The following ERV3-1 variants were observed in gnomAD, a reference collection of about 807,000 sequenced individuals.
ERV3-1 encodes the protein endogenous retrovirus group 3 member 1 Env polyprotein.
ERV3-1 carries 36 observed loss-of-function variants against 24.6 expected under a neutral mutation model. That is an observed-to-expected ratio of 1.47 (90% CI 1.12 to 1.94). The LOEUF is 1.94. ERV3-1 is among the 30% of genes most tolerant of loss of function. The pLI is 0.00. For missense variants in ERV3-1, 578 were observed against 330.9 expected (o/e 1.75, Z -5.79); for synonymous variants, 211 against 122.6 (o/e 1.72, Z -4.76).
intron 1 of ERV3-1, among the ~76,000 whole-genome samples, chr7:64,998,946 T>C (rs1239743307): frequency 6.6e-6 from 1 of 152,168 alleles, no homozygotes. Context: ...CAGTTTCCTT[T>C]CTTAACCAAC....
chr7:64,994,286 GCT>G (rs1786354316), intron 1 of ERV3-1, among the ~76,000 whole-genome samples: 1 of 152,188 alleles, frequency 6.6e-6, no homozygotes, highest in Non-Finnish European at 1.5e-5. Context: ...CGTTTCTAGT[GCT>G]GTTTTTCCCA....
intron 1 of ERV3-1, among the ~76,000 whole-genome samples, chr7:65,001,541 G>C (rs1786524481): frequency 6.6e-6 from 1 of 152,314 alleles, no homozygotes. Flanking sequence ...TGGAAATCCT[G>C]AGGTGGCAGT....
rs763990854 is a variant in ERV3-1 at position 64,992,908 on chromosome 7, A to G, written c.119T>C (p.Ile40Thr). 3.9e-6 allele frequency: 3 copies of G among 766,410 alleles called. No homozygotes were observed. Among genetic ancestry groups the G allele is most frequent in the Non-Finnish European group, 7.2e-6 (3 of 417,900 alleles). The allele number at this position is 766,410 out of a possible 1,614,324, so 47.5% of individuals were successfully genotyped here. ...GTGATACAACAGGGTTTTAGTCATGATGTTCCCCGACCACGTAGTGTGGGT... is the reference window on the plus strand; with the variant it reads ...GTGATACAACAGGGTTTTAGTCATGGTGTTCCCCGACCACGTAGTGTGGGT... The part of the protein sequence containing the change: ...HCTHTTWSGN[I>T]MTKTLLYHTY... Residue 40 changes from isoleucine to threonine, a missense_variant, in exon 2 of 2, where the codon ATC (isoleucine) becomes ACC (threonine). Physicochemically the swap from Ile to Thr is moderately conservative, Grantham distance 89. Transcript: ENST00000394323.
intron 1 of ERV3-1, among the ~76,000 whole-genome samples, chr7:64,997,761 G>A (rs941978764): frequency 1.1e-4 from 17 of 152,206 alleles, no homozygotes; most frequent in Non-Finnish European, 2.2e-4. Context: ...ATCTGGCCAC[G>A]TTGGATTTTG....
At chr7:65,000,869 A>T (rs1786506060) in intron 1 of ERV3-1, among the ~76,000 whole-genome samples, 1 of 152,224 alleles carries the variant, frequency 6.6e-6, no homozygotes, top group Non-Finnish European at 1.5e-5. Flanking sequence ...GCCATAAAAA[A>T]GAAGATTGTG....
In ERV3-1 at chr7:64,991,854, T is replaced by G. The variant is rs1445097697; in HGVS notation, c.1173A>C (p.Pro391=). The G allele has an allele frequency of 2.6e-6, 2 of 766,168 alleles. No homozygotes were observed. Among genetic ancestry groups the G allele is most frequent in the Non-Finnish European group, 4.8e-6 (2 of 417,894 alleles). The allele number at this position is 766,168 out of a possible 1,614,324, so 47.5% of individuals were successfully genotyped here. Residue 391 remains proline (P), a synonymous_variant, in exon 2 of 2, where the codon CCA becomes CCC. Coordinates refer to ENST00000394323, the MANE Select transcript of ERV3-1 (RefSeq NM_001007253.4). ...SNNSESPHPS[P]FSRFPSLNHS... Reference sequence around the variant, plus strand: ...GGTTTAAAGATGGGAAACGAGAGAATGGGCTTGGGTGTGGTGATTCAGAAT... The same window carrying G: ...GGTTTAAAGATGGGAAACGAGAGAAGGGGCTTGGGTGTGGTGATTCAGAAT...
chr7:65,004,955 T>G (rs548314548), intron 1 of ERV3-1: 1 of 152,130 alleles, frequency 6.6e-6, no homozygotes, highest in South Asian at 2.1e-4. Context: ...TAATTATTTG[T>G]TTTTCCCTCA....
chr7:64,996,258 A>G (rs1181892644), intron 1 of ERV3-1, among the ~76,000 whole-genome samples: 1 of 152,118 alleles, frequency 6.6e-6, no homozygotes, highest in Non-Finnish European at 1.5e-5. Flanking sequence ...TTGGATTATG[A>G]TCCCATGGTC....
chr7:64,998,795 C>T (rs1786457854), intron 1 of ERV3-1, among the ~76,000 whole-genome samples: 2 of 152,136 alleles, frequency 1.3e-5, no homozygotes, highest in South Asian at 2.1e-4. Flanking sequence ...AGGATGTTTG[C>T]CACTAGTCTC....
chr7:64,992,797 T>C lies in ERV3-1; in HGVS notation c.230A>G (p.Gln77Arg), dbSNP rs1291762876. 2 of 766,342 alleles carry C rather than the reference T, an allele frequency of 2.6e-6. No homozygotes were observed. Among genetic ancestry groups the C allele is most frequent in the Non-Finnish European group, 2.4e-6 (1 of 417,922 alleles). 47.5% of individuals were successfully genotyped at this position (766,342 alleles called of 1,614,324 possible). Residue 77 changes from glutamine (Q) to arginine (R), a missense_variant, in exon 2 of 2, where the codon CAG becomes CGG. Transcript: ENST00000394323. ...CTTAGGGTCATAACACACATAAGGC[T>C]GGCCCCTTCCTGGGTCACAGACTGA... The part of the protein sequence containing the change: ...TYSVCDPGRG[Q>R]PYVCYDPKSS...
chr7:64,993,898 G>A (rs1373787738), intron 1 of ERV3-1, among the ~76,000 whole-genome samples: 2 of 152,250 alleles, frequency 1.3e-5, no homozygotes, highest in African/African-American at 2.4e-5. Context: ...TTTAACACTC[G>A]TGTTAGTTCC....
intron 1 of ERV3-1, among the ~76,000 whole-genome samples, chr7:65,000,022 T>G (rs1190917520): frequency 1.3e-5 from 2 of 152,152 alleles, no homozygotes; most frequent in African/African-American, 4.8e-5. Flanking sequence ...GAATTACCAT[T>G]TGACCCAGGC....
At position 64,992,505 on chromosome 7, in the gene ERV3-1, G is replaced by C. The variant is rs1285669571; in HGVS notation, c.522C>G (p.Asn174Lys). Residue 174 changes from asparagine to lysine, a missense_variant, in exon 2 of 2, where the codon AAC becomes AAG. Physicochemically the swap from Asn to Lys is moderately conservative, Grantham distance 94. Transcript: ENST00000394323. ...GCATAATTGGCCCTAGTGATTGTTG[G>C]TTAGTGGACCACGTTGTGCAGTCCC... ...TCWDCTTWST[N>K]QQSLGPIMLT... 2 of 766,366 alleles carry C rather than the reference G, an allele frequency of 2.6e-6. No individual in the cohort carries two copies. The highest frequency in any genetic ancestry group is 4.8e-6 in the Non-Finnish European group (2 of 417,908). The allele number at this position is 766,366 out of a possible 1,614,324, so 47.5% of individuals were successfully genotyped here.
At chr7:64,998,769 T>C (rs989599765) in intron 1 of ERV3-1, among the ~76,000 whole-genome samples, 1 of 152,048 alleles carries the variant, frequency 6.6e-6, no homozygotes, top group Non-Finnish European at 1.5e-5. Context: ...CCCTAAGCCA[T>C]ATGCCGTAGC....
intron 1 of ERV3-1, among the ~76,000 whole-genome samples, chr7:65,005,692 G>A (rs1420273170): frequency 6.6e-6 from 1 of 152,212 alleles, no homozygotes; most frequent in East Asian, 1.9e-4. Context: ...ATGGGGAGAA[G>A]TCTTGAGACC....
rs750746197 is a variant in ERV3-1 at position 64,990,756 on chromosome 7, G to C, written c.*456C>G. ...ACAGGGAAACTGATAAGGAGAACTT[G>C]TTTTTCTCATCCCTGCTCCTGGAGC... On this transcript the variant is annotated 3_prime_UTR_variant, in exon 2 of 2. Coordinates refer to ENST00000394323, the MANE Select transcript of ERV3-1 (RefSeq NM_001007253.4). 6.5e-6 allele frequency: 1 copy of C among 153,400 alleles called. No individual in the cohort carries two copies. 9.5% of individuals were successfully genotyped at this position (153,400 alleles called of 1,614,324 possible).
intron 1 of ERV3-1, among the ~76,000 whole-genome samples, chr7:64,998,386 G>A (rs13244300): frequency 0.38 from 57,694 of 151,898 alleles, 11,193 homozygotes; most frequent in Middle Eastern, 0.43. Context: ...GCTGTCCTCC[G>A]ACCCCAGTCA....
At chr7:65,004,710 G>A (rs2129124945) in intron 1 of ERV3-1, 1 of 152,148 alleles carries the variant, frequency 6.6e-6, no homozygotes, top group South Asian at 2.1e-4. Flanking sequence ...TGTCAAGTCA[G>A]GCCACCCAAT....
intron 1 of ERV3-1, chr7:65,003,825 A>G (rs1009188915): frequency 6.6e-6 from 1 of 152,212 alleles, no homozygotes; most frequent in African/African-American, 2.4e-5. Flanking sequence ...TTAACATCAC[A>G]TATCAAGATG....
Sources: allele counts gnomAD v4.1 joint callset (sites outside exome capture counted in the v4.1 genomes callset), GRCh38; gene constraint gnomAD v4.1.1; transcripts MANE v1.5; gene names NCBI Gene and HGNC (gene_info 2026-07-23, HGNC 2026-07-21).